ITGB3BP: variants seen among roughly 807,000 people sequenced by gnomAD.
ITGB3BP encodes integrin subunit beta 3 binding protein.
ITGB3BP carries 27 observed loss-of-function variants against 29.1 expected under a neutral mutation model. The ratio of observed to expected loss-of-function variants is 0.93; its 90% CI spans 0.68 to 1.28. The LOEUF is 1.28. Among genes scored for constraint, ITGB3BP ranks in the 50% most tolerant of loss-of-function variants. The pLI, the probability that ITGB3BP is intolerant of heterozygous loss-of-function variation, is 0.00. For missense variants in ITGB3BP, 192 were observed against 200.2 expected (o/e 0.96, Z 0.25); for synonymous variants, 61 against 61.4 (o/e 0.99, Z 0.03).
At chr1:63,508,950 C>A (rs1646139773) in intron 1 of ITGB3BP, among the ~76,000 whole-genome samples, 1 of 152,128 alleles carries the variant, frequency 6.6e-6, no homozygotes, top group Non-Finnish European at 1.5e-5. Context: ...ATAATTTATA[C>A]ACTTTCAGTG....
At chr1:63,505,689 G>A (rs1646060421) in intron 2 of ITGB3BP, among the ~76,000 whole-genome samples, 1 of 151,986 alleles carries the variant, frequency 6.6e-6, no homozygotes, top group African/African-American at 2.4e-5. Context: ...CTTTGAATGT[G>A]TCCCAGAGAT....
At chr1:63,510,116 G>A in intron 1 of ITGB3BP, 2 of 634,758 alleles carry the variant, frequency 3.2e-6, no homozygotes, top group Non-Finnish European at 5.8e-6. Flanking sequence ...CTTGAACGCG[G>A]GAAGCAGATG....
chr1:63,458,729 C>T (rs537519073), intron 4 of ITGB3BP, among the ~76,000 whole-genome samples: 6 of 152,084 alleles, frequency 3.9e-5, no homozygotes, highest in African/African-American at 9.7e-5. Context: ...AAGGCAAGGG[C>T]GGTATCTACC....
chr1:63,468,217 AACTG>A (rs1485988272), intron 4 of ITGB3BP, among the ~76,000 whole-genome samples: 2 of 152,214 alleles, frequency 1.3e-5, no homozygotes, highest in Admixed American at 6.5e-5. Flanking sequence ...TCTGTGAAAT[AACTG>A]ACTGACTGTG....
chr1:63,495,821 TATA>T (rs1323701138), intron 2 of ITGB3BP, among the ~76,000 whole-genome samples: 3 of 152,116 alleles, frequency 2.0e-5, no homozygotes, highest in African/African-American at 7.2e-5. Context: ...AACAAGGATA[TATA>T]ATAATATTTC....
At chr1:63,452,637 T>C (rs7416214) in intron 7 of ITGB3BP, among the ~76,000 whole-genome samples, 24 of 19,886 alleles carry the variant, frequency 1.2e-3, no homozygotes, top group South Asian at 9.2e-3. Context: ...TTCTTTCTTT[T>C]TTTTTTTTTT....
intron 7 of ITGB3BP, chr1:63,447,724 G>A: frequency 4.6e-6 from 2 of 438,840 alleles, no homozygotes; most frequent in South Asian, 1.6e-5. Context: ...CTTTTACACT[G>A]TTGGTGGGAC....
At position 63,471,451 on chromosome 1, in the gene ITGB3BP, T is replaced by C. The variant is rs1362994056; in HGVS notation, c.254+7313A>G. On this transcript the variant is annotated intron_variant, in intron 4 of 8. Transcript: ENST00000271002. Reference sequence around the variant, plus strand: ...TATTTTTAATAGATACAGAGTTTCATTGTGTTAGCCAGGATGGTCTCTATC... The same window carrying C: ...TATTTTTAATAGATACAGAGTTTCACTGTGTTAGCCAGGATGGTCTCTATC... 2.0e-5 allele frequency among the ~76,000 whole-genome samples: 3 copies of C among 151,896 alleles called. No individual in the cohort carries two copies. In the East Asian group the frequency reaches 5.8e-4, roughly 30 times the overall value.
intron 4 of ITGB3BP, among the ~76,000 whole-genome samples, chr1:63,469,440 C>T (rs954819892): frequency 6.6e-6 from 1 of 152,022 alleles, no homozygotes; most frequent in Non-Finnish European, 1.5e-5. Context: ...AATTCTCCTG[C>T]CTCAGCCTCC....
intron 2 of ITGB3BP, among the ~76,000 whole-genome samples, chr1:63,492,718 T>C (rs1645678725): frequency 6.7e-6 from 1 of 149,504 alleles, no homozygotes; most frequent in Admixed American, 6.7e-5. Flanking sequence ...GAAGAAAGAG[T>C]AAGAGGGCTA....
intron 7 of ITGB3BP, among the ~76,000 whole-genome samples, chr1:63,452,777 T>G (rs952305600): frequency 6.6e-6 from 1 of 152,128 alleles, no homozygotes; most frequent in Non-Finnish European, 1.5e-5. Context: ...ACATGAGCTT[T>G]GGAGGAGTCT....
chr1:63,481,206 T>C (rs1373684048), intron 3 of ITGB3BP, among the ~76,000 whole-genome samples: 2 of 152,168 alleles, frequency 1.3e-5, no homozygotes, highest in South Asian at 2.1e-4. Context: ...ATATTTTTAT[T>C]ATAAGAGAAC....
At chr1:63,473,620 G>T (rs1645259606) in intron 4 of ITGB3BP, among the ~76,000 whole-genome samples, 1 of 134,468 alleles carries the variant, frequency 7.4e-6, no homozygotes. Flanking sequence ...GAGGGAGGTG[G>T]GGGGGTCAGC....
chr1:63,470,266 A>G (rs997700046), intron 4 of ITGB3BP, among the ~76,000 whole-genome samples: 2 of 152,130 alleles, frequency 1.3e-5, no homozygotes, highest in Admixed American at 1.3e-4. Context: ...CTCTAGCGCC[A>G]CTGGGTTAGG....
chr1:63,443,721 G>C (rs556950609), intron 8 of ITGB3BP, among the ~76,000 whole-genome samples: 1 of 152,244 alleles, frequency 6.6e-6, no homozygotes, highest in East Asian at 1.9e-4. Flanking sequence ...CTGGTACAGT[G>C]GGTGTGGAAA....
At chr1:63,475,454 C>A (rs998203176) in intron 4 of ITGB3BP, among the ~76,000 whole-genome samples, 10 of 152,124 alleles carry the variant, frequency 6.6e-5, no homozygotes, top group African/African-American at 1.2e-4. Context: ...ACTCAGGAGG[C>A]TGAGGTGGGA....
At chr1:63,467,009 T>G (rs1052890286) in intron 4 of ITGB3BP, among the ~76,000 whole-genome samples, 1 of 151,550 alleles carries the variant, frequency 6.6e-6, no homozygotes, top group Admixed American at 6.6e-5. Flanking sequence ...CAGCCTCCTA[T>G]GTAGCTGGGT....
At chr1:63,523,512 G>A (rs1243092664), upstream of ITGB3BP, 1 of 296,662 alleles carries the variant, frequency 3.4e-6, no homozygotes, top group Non-Finnish European at 6.5e-6. Flanking sequence ...TATTTCCGGT[G>A]GCGGTGAGGT....
intron 1 of ITGB3BP, among the ~76,000 whole-genome samples, chr1:63,519,543 T>C (rs1570343374): frequency 6.6e-6 from 1 of 152,084 alleles, no homozygotes; most frequent in East Asian, 1.9e-4. Context: ...TGCATTTAAA[T>C]TTCATATTTT....
Sources: allele counts gnomAD v4.1 joint callset (sites outside exome capture counted in the v4.1 genomes callset), GRCh38; gene constraint gnomAD v4.1.1; transcripts MANE v1.5; gene names NCBI Gene and HGNC (gene_info 2026-07-23, HGNC 2026-07-21).